FHIT: variants seen among roughly 807,000 people sequenced by gnomAD.
FHIT encodes bis(5'-adenosyl)-triphosphatase.
In FHIT, 19 loss-of-function variants were observed where a neutral mutation model predicts 17.9. That is an observed-to-expected ratio of 1.06 (90% confidence interval 0.74 to 1.56). The LOEUF is 1.56. Ranked by LOEUF, FHIT falls within the 40% of genes most tolerant of loss-of-function variation. FHIT has a pLI of 0.00. For synonymous variants in FHIT, 81 were observed against 69.7 expected (o/e 1.16, Z -0.81); for missense variants, 248 against 189.2 (o/e 1.31, Z -1.82).
chr3:60,285,133 T>A (rs1707661669), intron 5 of FHIT, among the ~76,000 whole-genome samples: 1 of 152,162 alleles, frequency 6.6e-6, no homozygotes, highest in Non-Finnish European at 1.5e-5. Context: ...AAAATGCCCC[T>A]GGATTGCACT....
chr3:61,160,705 A>T (rs1669396207), intron 2 of FHIT, among the ~76,000 whole-genome samples: 1 of 152,204 alleles, frequency 6.6e-6, no homozygotes, highest in South Asian at 2.1e-4. Flanking sequence ...AATTGGGTTA[A>T]CTCAGTGAGG....
chr3:60,674,646 A>G (rs192500814), intron 4 of FHIT, among the ~76,000 whole-genome samples: 5 of 152,302 alleles, frequency 3.3e-5, no homozygotes, highest in Admixed American at 1.3e-4. Context: ...ATGGTAGTGT[A>G]CAGGTCTCAC....
Position 61,219,953 on chromosome 3 carries a change from A to C in FHIT, c.-212-19288T>G, listed in dbSNP as rs1470112277. Among the ~76,000 whole-genome samples, 3 of 152,222 alleles carry C rather than the reference A, an allele frequency of 2.0e-5. No individual in the cohort carries two copies. The East Asian group carries it at 5.8e-4, about 29-fold the overall frequency. ...TCTCTGGGTACCATCCAACTGCACC[A>C]TTCTTAAGGCAACATTACCTGGAAC... is the stretch of plus-strand genomic sequence containing the variant. On this transcript the variant is annotated intron_variant, in intron 1 of 9. Transcript: ENST00000492590.
At chr3:61,064,229 G>C (rs1386267836) in intron 2 of FHIT, among the ~76,000 whole-genome samples, 1 of 100,810 alleles carries the variant, frequency 9.9e-6, no homozygotes, top group Non-Finnish European at 2.6e-5. Flanking sequence ...TCCTGAAATG[G>C]AAAGAGAGAG....
At chr3:61,024,469 G>T (rs2032626617) in intron 3 of FHIT, among the ~76,000 whole-genome samples, 1 of 152,006 alleles carries the variant, frequency 6.6e-6, no homozygotes, top group African/African-American at 2.4e-5. Flanking sequence ...TGCAAAGGCT[G>T]AGTTTTATTT....
chr3:60,672,151 A>T lies in FHIT; in HGVS notation c.-17-135172T>A, dbSNP rs140793068. On this transcript the variant is annotated intron_variant, in intron 4 of 9. Coordinates refer to ENST00000492590, the MANE Select transcript of FHIT (RefSeq NM_002012.4). ...TAACTCTTTGTGTTTTTGTATTTAA[A>T]GTGCATATGTTGTAGTCAGCATATT... is the stretch of plus-strand genomic sequence containing the variant. Among the ~76,000 whole-genome samples the T allele has an allele frequency of 3.0e-3, 456 of 152,244 alleles. 1 individual carries two copies. The highest frequency in any genetic ancestry group is 5.0e-3 in the Non-Finnish European group (340 of 68,028).
At chr3:59,984,593 G>A (rs989070549) in intron 7 of FHIT, among the ~76,000 whole-genome samples, 2 of 152,032 alleles carry the variant, frequency 1.3e-5, no homozygotes, top group African/African-American at 4.8e-5. Context: ...TAAAAGGCAT[G>A]TGAAATAGAA....
intron 3 of FHIT, among the ~76,000 whole-genome samples, chr3:61,033,720 G>T (rs2033115331): frequency 6.6e-6 from 1 of 152,148 alleles, no homozygotes; most frequent in South Asian, 2.1e-4. Flanking sequence ...CTTTATGTCT[G>T]TTTTTAATAC....
chr3:60,091,892 A>T (rs1365124043), intron 5 of FHIT, among the ~76,000 whole-genome samples: 1 of 152,092 alleles, frequency 6.6e-6, no homozygotes, highest in Non-Finnish European at 1.5e-5. Context: ...ACTGTGAGCC[A>T]ATTAAACCTC....
rs146680920 is a variant in FHIT, at chr3:60,216,580, C to G, written c.104-202428G>C. Among the ~76,000 whole-genome samples the G allele has an allele frequency of 1.2e-4, 19 of 152,164 alleles. No homozygotes were observed. The South Asian group carries it at 3.7e-3, about 30-fold the overall frequency. ...AGAAAATGATTCATTTTACTGTCTA[C>G]CTAATACTGAGCTGAAATACTCTAC... is the stretch of plus-strand genomic sequence containing the variant. On this transcript the variant is annotated intron_variant, in intron 5 of 9. Transcript: ENST00000492590.
chr3:60,483,341 C>T (rs539218662), intron 5 of FHIT, among the ~76,000 whole-genome samples: 1 of 152,288 alleles, frequency 6.6e-6, no homozygotes, highest in South Asian at 2.1e-4. Context: ...AAGCCAGCAT[C>T]ACCCTGATGC....
intron 5 of FHIT, among the ~76,000 whole-genome samples, chr3:60,441,799 T>C (rs1208325688): frequency 1.2e-4 from 14 of 118,638 alleles, no homozygotes; most frequent in African/African-American, 4.0e-4. Context: ...TATATATATA[T>C]ATATATATAT....
At chr3:61,108,949 T>G (rs1441305478) in intron 2 of FHIT, among the ~76,000 whole-genome samples, 4 of 152,188 alleles carry the variant, frequency 2.6e-5, no homozygotes, top group Admixed American at 2.6e-4. Flanking sequence ...GTGATTAAAG[T>G]TAGCCTAAAA....
rs146235771 is a variant in FHIT, at chr3:60,691,383, T to C, written c.-18+130536A>G. On this transcript the variant is annotated intron_variant, in intron 4 of 9. Coordinates refer to ENST00000492590, the MANE Select transcript of FHIT (RefSeq NM_002012.4). ...TGATTTTTTCTTTTTCTTCTTTTTT[T>C]TTTTCTTGAGACAGGGTCTCTGTCA... Among the ~76,000 whole-genome samples, 1,026 of 152,060 alleles carry C rather than the reference T, an allele frequency of 6.7e-3. 15 individuals carry two copies. Among genetic ancestry groups the C allele is most frequent in the African/African-American group, 0.023 (960 of 41,484 alleles).
At chr3:60,599,875 A>T (rs2038389533) in intron 4 of FHIT, among the ~76,000 whole-genome samples, 1 of 152,032 alleles carries the variant, frequency 6.6e-6, no homozygotes, top group Non-Finnish European at 1.5e-5. Flanking sequence ...GACATTTTAG[A>T]CCACATAATT....
chr3:60,287,439 G>A (rs1707777472), intron 5 of FHIT, among the ~76,000 whole-genome samples: 1 of 152,188 alleles, frequency 6.6e-6, no homozygotes, highest in African/African-American at 2.4e-5. Flanking sequence ...AAAGTGCTGG[G>A]ATTACAGGCA....
At chr3:61,045,370 A>G (rs986357635) in intron 2 of FHIT, among the ~76,000 whole-genome samples, 14 of 152,226 alleles carry the variant, frequency 9.2e-5, no homozygotes, top group African/African-American at 3.4e-4. Context: ...CTTTAAACCA[A>G]CAAAGATCAA....
intron 2 of FHIT, among the ~76,000 whole-genome samples, chr3:61,161,254 G>A (rs2037684443): frequency 6.6e-6 from 1 of 151,054 alleles, no homozygotes; most frequent in South Asian, 2.1e-4. Flanking sequence ...CCAGGCTGGA[G>A]TGCAGTGGCG....
At chr3:61,074,238 C>A (rs995405813) in intron 2 of FHIT, among the ~76,000 whole-genome samples, 1 of 152,108 alleles carries the variant, frequency 6.6e-6, no homozygotes, top group South Asian at 2.1e-4. Flanking sequence ...TAAACTCACT[C>A]GGAAGAGAAT....
Sources: allele counts gnomAD v4.1 joint callset (sites outside exome capture counted in the v4.1 genomes callset), GRCh38; gene constraint gnomAD v4.1.1; transcripts MANE v1.5; gene names NCBI Gene and HGNC (gene_info 2026-07-23, HGNC 2026-07-21).